The following MACROD1 variants were observed in gnomAD, a reference collection of about 807,000 sequenced individuals.
MACROD1 encodes ADP-ribose glycohydrolase MACROD1.
A neutral mutation model predicts 41.4 loss-of-function variants in MACROD1; 31 were observed. The ratio of observed to expected loss-of-function variants is 0.75; its 90% CI spans 0.56 to 1.01. The LOEUF is 1.01. Among genes scored for constraint, MACROD1 ranks in the 50% least tolerant of loss-of-function variants. MACROD1 has a pLI of 0.00. For synonymous variants in MACROD1, 252 were observed against 203.4 expected, an observed-to-expected ratio of 1.24 and a Z score of -2.03; for missense variants, 473 against 460.0, an observed-to-expected ratio of 1.03 and a Z score of -0.26.
At chr11:64,160,227 T>C (rs1945733448) in intron 1 of MACROD1, among the ~76,000 whole-genome samples, 1 of 152,122 alleles carries the variant, frequency 6.6e-6, no homozygotes, top group Admixed American at 6.5e-5. Context: ...CTGGATAAGA[T>C]CGCATGCTCT....
At chr11:64,072,573 T>C (rs1167626866) in intron 3 of MACROD1, among the ~76,000 whole-genome samples, 1 of 152,254 alleles carries the variant, frequency 6.6e-6, no homozygotes, top group Non-Finnish European at 1.5e-5. Context: ...TCCTGACGTG[T>C]GGCCTTGGCC....
intron 4 of MACROD1, 46 bp downstream of exon 4, chr11:64,015,206 G>A (rs1246237308): frequency 1.0e-5 from 16 of 1,556,680 alleles, no homozygotes; most frequent in Non-Finnish European, 9.6e-6. Flanking sequence ...GACCCAGCAG[G>A]GGAGATGCCA....
Position 64,122,371 on chromosome 11 carries a change from G to A in MACROD1, c.517+28868C>T, listed in dbSNP as rs971650668. 1.3e-5 allele frequency among the ~76,000 whole-genome samples: 2 copies of A among 152,214 alleles called. No homozygotes were observed. The highest frequency in any genetic ancestry group is 4.8e-5 in the African/African-American group (2 of 41,452). On this transcript the variant is annotated intron_variant, in intron 3 of 10. Coordinates refer to ENST00000255681, the MANE Select transcript of MACROD1 (RefSeq NM_014067.4). This position sits in a 1 kb window ranked among gnomAD's most constrained non-coding sequence, Gnocchi z 4.0. Reference sequence around the variant, plus strand: ...TTGCACCTTCCTGGCTCTGGGTGACGCTGGCAGGGGAGGGGACAGCACCTG... The same window carrying A: ...TTGCACCTTCCTGGCTCTGGGTGACACTGGCAGGGGAGGGGACAGCACCTG...
At chr11:64,027,052 C>T (rs978890160) in intron 3 of MACROD1, among the ~76,000 whole-genome samples, 1 of 152,234 alleles carries the variant, frequency 6.6e-6, no homozygotes, top group African/African-American at 2.4e-5. Flanking sequence ...TTGCTTTGTA[C>T]ATTCCTGGAT....
At chr11:64,040,607 A>G (rs538220052) in intron 3 of MACROD1, among the ~76,000 whole-genome samples, 2 of 152,178 alleles carry the variant, frequency 1.3e-5, no homozygotes, top group Non-Finnish European at 2.9e-5. Context: ...CTGTGTGTTC[A>G]CCTGCGTAGA....
At chr11:64,062,841 GC>G (rs1201449437) in intron 3 of MACROD1, among the ~76,000 whole-genome samples, 1 of 152,126 alleles carries the variant, frequency 6.6e-6, no homozygotes, top group Non-Finnish European at 1.5e-5. Context: ...GCAGAACTCA[GC>G]AGGGGCACCT....
chr11:64,104,655 G>A (rs1944727010), intron 3 of MACROD1, among the ~76,000 whole-genome samples: 1 of 152,090 alleles, frequency 6.6e-6, no homozygotes, highest in Non-Finnish European at 1.5e-5. Context: ...GCCCGCCCCT[G>A]TTCTGGCCAG....
Position 64,116,598 on chromosome 11 carries a change from A to G in MACROD1, c.517+34641T>C. The stretch of plus-strand genomic sequence containing the variant: ...CAAGACCAAGGTCAACGTGCAGGTC[A>G]TCTACCTATACGAGAATGACCTGGA... On this transcript the variant is annotated intron_variant, in intron 3 of 10. Coordinates refer to ENST00000255681, the MANE Select transcript of MACROD1 (RefSeq NM_014067.4). 1 of 1,614,180 alleles carries G rather than the reference A, an allele frequency of 6.2e-7. No homozygotes were observed. The highest frequency in any genetic ancestry group is 8.5e-7 in the Non-Finnish European group (1 of 1,180,046).
At chr11:64,086,163 C>T (rs528782236) in intron 3 of MACROD1, among the ~76,000 whole-genome samples, 16 of 152,252 alleles carry the variant, frequency 1.1e-4, no homozygotes, top group Non-Finnish European at 1.8e-4. Flanking sequence ...CAGGGGAAGC[C>T]GGGACTCAAC....
At chr11:64,060,160 A>C (rs1943871604) in intron 3 of MACROD1, among the ~76,000 whole-genome samples, 1 of 152,256 alleles carries the variant, frequency 6.6e-6, no homozygotes, top group South Asian at 2.1e-4. Context: ...ATGAATATTT[A>C]AGGCGCGGAC....
intron 3 of MACROD1, among the ~76,000 whole-genome samples, chr11:64,110,665 C>A (rs1232080717): frequency 6.6e-6 from 1 of 152,116 alleles, no homozygotes; most frequent in African/African-American, 2.4e-5. Flanking sequence ...CCCCCGTGGC[C>A]CGCTAAGGAT....
chr11:64,124,553 G>A (rs960426178), intron 3 of MACROD1, among the ~76,000 whole-genome samples: 4 of 152,034 alleles, frequency 2.6e-5, no homozygotes, highest in Admixed American at 6.5e-5. Flanking sequence ...CCCCTCCCTC[G>A]GCATTTTTAA....
At chr11:64,152,527 G>A in intron 1 of MACROD1, 134 bp from the exon 2 acceptor site, 1 of 708,686 alleles carries the variant, frequency 1.4e-6, no homozygotes. Context: ...GGGCACACAG[G>A]GCAGGCATGC....
chr11:64,124,229 G>C (rs1945142682), intron 3 of MACROD1, among the ~76,000 whole-genome samples: 1 of 152,190 alleles, frequency 6.6e-6, no homozygotes, highest in Admixed American at 6.5e-5. Flanking sequence ...TGGCTCGCCA[G>C]AGGGGCTGAC....
chr11:64,148,841 G>A, intron 3 of MACROD1: 1 of 985,664 alleles, frequency 1.0e-6, no homozygotes, highest in South Asian at 4.7e-5. Context: ...CACAGGGGCT[G>A]GGGTGGGAGC....
chr11:64,138,361 C>T (rs930679659), intron 3 of MACROD1, among the ~76,000 whole-genome samples: 3 of 152,242 alleles, frequency 2.0e-5, no homozygotes, highest in Admixed American at 6.5e-5. Context: ...GAAAGCTCCC[C>T]GCAGGCTGCC....
chr11:64,139,762 C>T (rs1314238028), intron 3 of MACROD1, among the ~76,000 whole-genome samples: 1 of 151,960 alleles, frequency 6.6e-6, no homozygotes, highest in African/African-American at 2.4e-5. Flanking sequence ...CAAGACCATC[C>T]TGGCTAACAC....
intron 3 of MACROD1, among the ~76,000 whole-genome samples, chr11:64,145,930 C>T (rs1342836443): frequency 2.6e-5 from 4 of 152,094 alleles, no homozygotes; most frequent in East Asian, 1.9e-4. Context: ...CCACTGTGTC[C>T]GGCTAATTTT....
intron 4 of MACROD1, among the ~76,000 whole-genome samples, chr11:64,004,190 C>T (rs989246128): frequency 6.6e-6 from 1 of 152,184 alleles, no homozygotes; most frequent in Non-Finnish European, 1.5e-5. Flanking sequence ...ATCTGTGCGC[C>T]TCCCATGGAA....
Sources: gnomAD v4.1 joint callset for allele counts (sites outside exome capture counted in the v4.1 genomes callset) on GRCh38, gnomAD v4.1.1 for gene constraint, Gnocchi (gnomAD v3.1) non-coding constraint, MANE v1.5 for transcripts, NCBI Gene and HGNC (gene_info 2026-07-23, HGNC 2026-07-21) for gene names.